PLPPR4: variants seen among roughly 807,000 people sequenced by gnomAD.
PLPPR4 encodes phospholipid phosphatase related 4, also known as phospholipid phosphatase-related protein type 4.
PLPPR4 carries 24 observed loss-of-function variants against 56.6 expected under a neutral mutation model. That is an observed-to-expected ratio of 0.42 (90% CI 0.31 to 0.60). PLPPR4 has a LOEUF of 0.60. Among genes scored for constraint, PLPPR4 ranks in the 20% least tolerant of loss-of-function variants. The pLI, the probability that PLPPR4 is intolerant of heterozygous loss-of-function variation, is 0.13. For synonymous variants in PLPPR4, 326 were observed against 328.1 expected, an observed-to-expected ratio of 0.99 and a Z score of 0.07; for missense variants, 654 against 885.8, an observed-to-expected ratio of 0.74 and a Z score of 3.32.
rs201936509 is a variant in PLPPR4 at position 99,299,156 on chromosome 1, A to G, written c.516A>G (p.Val172=). 6 of 1,613,378 alleles carry G rather than the reference A, an allele frequency of 3.7e-6. No homozygotes were observed. Among genetic ancestry groups the G allele is most frequent in the Admixed American group, 3.3e-5 (2 of 59,884 alleles). ...AACCAAACTATACCTCTCTGAATGTATCTTGCAAAGAAAATTCCTACATTG... is the reference window on the plus strand; with the variant it reads ...AACCAAACTATACCTCTCTGAATGTGTCTTGCAAAGAAAATTCCTACATTG... The part of the protein sequence containing the change: ...VCKPNYTSLN[V]SCKENSYIVE... Residue 172 remains valine (V), a synonymous_variant, in exon 4 of 7, where the codon GTA becomes GTG. Coordinates refer to ENST00000370185, the MANE Select transcript of PLPPR4 (RefSeq NM_014839.5).
intron 1 of PLPPR4, among the ~76,000 whole-genome samples, chr1:99,267,719 G>A (rs111474495): frequency 4.1e-4 from 62 of 152,266 alleles, no homozygotes; most frequent in African/African-American, 1.5e-3. Flanking sequence ...TCTAGCTTAA[G>A]AGTTCCCATT....
At chr1:99,296,695 T>C (rs1379359556) in intron 2 of PLPPR4, 43 bp from the exon 3 acceptor site, 1 of 1,517,552 alleles carries the variant, frequency 6.6e-7, no homozygotes, top group African/African-American at 1.4e-5. Flanking sequence ...GCTTAATAGG[T>C]ATTCCAACAT....
intron 3 of PLPPR4, among the ~76,000 whole-genome samples, chr1:99,298,625 A>G (rs1174472142): frequency 6.6e-6 from 1 of 152,176 alleles, no homozygotes; most frequent in Middle Eastern, 3.2e-3. Flanking sequence ...AACTGTGGCT[A>G]GTGTTAGAGA....
rs769270277 is a variant in PLPPR4 at position 99,305,988 on chromosome 1, T to A, written c.1126T>A (p.Ser376Thr). 3.1e-6 allele frequency: 5 copies of A among 1,614,122 alleles called. No individual in the cohort carries two copies. In the Admixed American group the frequency reaches 6.7e-5, roughly 22 times the overall value. Reference protein sequence around the residue: ...SNTLPRANTPSVEDPVRRNAS... With the variant: ...SNTLPRANTPTVEDPVRRNAS... ...TACCTTGCCGCGAGCCAATACCCCATCTGTAGAAGACCCTGTCAGAAGAAA... is the reference window on the plus strand; with the variant it reads ...TACCTTGCCGCGAGCCAATACCCCAACTGTAGAAGACCCTGTCAGAAGAAA... Residue 376 changes from serine (S) to threonine (T), a missense_variant, in exon 7 of 7, where the codon TCT (serine) becomes ACT (threonine). Ser to Thr is a moderately conservative substitution (Grantham distance 58). Transcript: ENST00000370185.
At chr1:99,302,162 T>C (rs1288380708) in intron 6 of PLPPR4, among the ~76,000 whole-genome samples, 1 of 152,116 alleles carries the variant, frequency 6.6e-6, no homozygotes, top group African/African-American at 2.4e-5. Flanking sequence ...CAGGGACTAC[T>C]ATTACTACTA....
At chr1:99,278,807 G>A (rs1189479806) in intron 1 of PLPPR4, among the ~76,000 whole-genome samples, 1 of 152,086 alleles carries the variant, frequency 6.6e-6, no homozygotes, top group Non-Finnish European at 1.5e-5. Context: ...CTGTAAAGAT[G>A]TAGTTTCATA....
chr1:99,307,015 T>C lies in PLPPR4; in HGVS notation c.*5T>C, dbSNP rs781303136. 1.9e-6 allele frequency: 3 copies of C among 1,580,634 alleles called. No homozygotes were observed. Among genetic ancestry groups the C allele is most frequent in the Admixed American group, 1.7e-5 (1 of 57,576 alleles). On this transcript the variant is annotated 3_prime_UTR_variant, in exon 7 of 7. Coordinates refer to ENST00000370185, the MANE Select transcript of PLPPR4 (RefSeq NM_014839.5). ...ACACGGGCTTATAAGGATTGAGTGA[T>C]GTCCATTCCATCATTAGGGCTACTC...
intron 1 of PLPPR4, among the ~76,000 whole-genome samples, chr1:99,279,815 A>G (rs939316970): frequency 1.3e-5 from 2 of 152,200 alleles, no homozygotes. Context: ...TCTTAAATTT[A>G]TCTTAGGGAT....
chr1:99,303,472 G>A (rs77385955), intron 6 of PLPPR4, among the ~76,000 whole-genome samples: 8,983 of 152,084 alleles, frequency 0.059, 869 homozygotes, highest in African/African-American at 0.2. Flanking sequence ...TAGTTACTAC[G>A]GTTATATAAA....
intron 4 of PLPPR4, among the ~76,000 whole-genome samples, chr1:99,299,924 G>A (rs1659841420): frequency 6.6e-6 from 1 of 152,068 alleles, no homozygotes; most frequent in South Asian, 2.1e-4. Context: ...ATTGCAGAGG[G>A]ATAAGGGCCA....
intron 2 of PLPPR4, among the ~76,000 whole-genome samples, chr1:99,294,325 C>T (rs1256164907): frequency 1.3e-5 from 2 of 152,154 alleles, no homozygotes; most frequent in Non-Finnish European, 2.9e-5. Flanking sequence ...AACCTCTATC[C>T]ATATTACATG....
chr1:99,283,247 A>G (rs554261059), intron 1 of PLPPR4, among the ~76,000 whole-genome samples: 1 of 152,226 alleles, frequency 6.6e-6, no homozygotes, highest in East Asian at 1.9e-4. Context: ...TGAATTCACA[A>G]TGGCTATGAG....
At chr1:99,264,271 G>A (rs1012405352), upstream of PLPPR4, 7 of 593,322 alleles carry the variant, frequency 1.2e-5, no homozygotes, top group African/African-American at 1.3e-4. Context: ...GTAGAGAGCT[G>A]AGGGAGGGTG....
At chr1:99,270,444 A>T (rs995989407) in intron 1 of PLPPR4, among the ~76,000 whole-genome samples, 1 of 152,236 alleles carries the variant, frequency 6.6e-6, no homozygotes. Flanking sequence ...CAGAAGAAGA[A>T]GCCATTGCTG....
At chr1:99,286,427 C>A (rs553324842) in intron 1 of PLPPR4, among the ~76,000 whole-genome samples, 1 of 152,162 alleles carries the variant, frequency 6.6e-6, no homozygotes, top group South Asian at 2.1e-4. Context: ...CAGATTCTCA[C>A]TTCATAGAGC....
chr1:99,282,284 T>C (rs879606502), intron 1 of PLPPR4, among the ~76,000 whole-genome samples: 3 of 152,166 alleles, frequency 2.0e-5, no homozygotes, highest in Non-Finnish European at 2.9e-5. Context: ...AGGTTTGTCA[T>C]ATCTATGTCC....
chr1:99,295,636 T>C (rs1174270222), intron 2 of PLPPR4, among the ~76,000 whole-genome samples: 1 of 152,234 alleles, frequency 6.6e-6, no homozygotes, highest in Non-Finnish European at 1.5e-5. Context: ...TTATCTCAAA[T>C]ATTTGAAAGA....
intron 1 of PLPPR4, among the ~76,000 whole-genome samples, chr1:99,280,352 G>A (rs996862220): frequency 2.6e-5 from 4 of 152,000 alleles, no homozygotes; most frequent in African/African-American, 4.8e-5. Flanking sequence ...TGAATATAGC[G>A]ATCTTTTAAA....
chr1:99,288,663 C>T (rs1479559441), intron 2 of PLPPR4, among the ~76,000 whole-genome samples: 1 of 141,478 alleles, frequency 7.1e-6, no homozygotes, highest in Non-Finnish European at 1.6e-5. Context: ...CACACATACA[C>T]ATACATACAG....
Sources: gnomAD v4.1 joint callset for allele counts (sites outside exome capture counted in the v4.1 genomes callset) on GRCh38, gnomAD v4.1.1 for gene constraint, MANE v1.5 for transcripts, NCBI Gene and HGNC (gene_info 2026-07-23, HGNC 2026-07-21) for gene names.